The following SMCHD1 variants were observed in gnomAD, a reference collection of about 807,000 sequenced individuals.
SMCHD1 encodes the protein structural maintenance of chromosomes flexible hinge domain-containing protein 1.
A neutral mutation model predicts 254.7 loss-of-function variants in SMCHD1; 78 were observed. That is an observed-to-expected ratio of 0.31 (90% CI 0.26 to 0.37). SMCHD1 has a LOEUF of 0.37. Among genes scored for constraint, SMCHD1 ranks in the 10% least tolerant of loss-of-function variants. The probability of loss-of-function intolerance (pLI) is 1.00; values close to 1 mark genes in which losing one functional copy is unlikely to be tolerated. For missense variants in SMCHD1, 1,840 were observed against 2,408.1 expected (o/e 0.76, Z 4.94); for synonymous variants, 766 against 794.9 (o/e 0.96, Z 0.61).
intron 35 of SMCHD1, among the ~76,000 whole-genome samples, chr18:2,761,369 A>G (rs1274656719): frequency 2.6e-5 from 4 of 152,202 alleles, no homozygotes; most frequent in South Asian, 2.1e-4. Flanking sequence ...GCATCCTGCA[A>G]TATACTCATG....
At chr18:2,720,807 G>A (rs2074909925) in intron 19 of SMCHD1, among the ~76,000 whole-genome samples, 2 of 152,094 alleles carry the variant, frequency 1.3e-5, no homozygotes, top group Admixed American at 6.5e-5. Context: ...AATACAGACA[G>A]GGTCTCACTA....
chr18:2,748,390 A>ATTT lies in SMCHD1; in HGVS notation c.3927+760_3927+762dup, dbSNP rs67175512. Among the ~76,000 whole-genome samples, 143 of 92,676 alleles carry ATTT rather than the reference A, an allele frequency of 1.5e-3. 16 individuals are homozygous for ATTT. The highest frequency in any genetic ancestry group is 6.1e-3 in the Middle Eastern group (1 of 164). The allele number at this position is 92,676 out of a possible 152,430, so 60.8% of individuals were successfully genotyped here. A position where few individuals can be genotyped will look rare whatever the true frequency, so the allele number is the denominator to read the frequency against. On this transcript the variant is annotated intron_variant, in intron 30 of 47. Coordinates refer to ENST00000320876, the MANE Select transcript of SMCHD1 (RefSeq NM_015295.3). ...TGTGTGTGTGTGTGTGTGTATATAA[A>ATTT]TTTTTTTTTTTTTTTTTTTGGAGAC...
chr18:2,771,480 T>C, intron 39 of SMCHD1, 53 bp from the exon 40 acceptor site: 1 of 1,324,408 alleles, frequency 7.6e-7, no homozygotes, highest in Non-Finnish European at 1.0e-6. Context: ...TTTCAAAAAC[T>C]ATGATTTGGG....
At chr18:2,661,975 T>C (rs1297265924) in intron 1 of SMCHD1, among the ~76,000 whole-genome samples, 2 of 198 alleles carry the variant, frequency 0.01, no homozygotes, top group African/African-American at 0.029. Flanking sequence ...GCTAACAAGG[T>C]GAAACCCCCG....
intron 9 of SMCHD1, 146 bp from the exon 10 acceptor site, chr18:2,697,685 A>C (rs62084202): frequency 1.6e-6 from 1 of 612,062 alleles, no homozygotes; most frequent in Admixed American, 3.0e-5. Context: ...TGTTTAACTC[A>C]TATGTAAATA....
At chr18:2,760,586 A>G in intron 34 of SMCHD1, 66 bp from the exon 35 acceptor site, 2 of 873,210 alleles carry the variant, frequency 2.3e-6, no homozygotes, top group Non-Finnish European at 3.9e-6. Flanking sequence ...AGAAATGTTG[A>G]CTCTTTGAAT....
At chr18:2,707,780 A>G (rs1390676695) in intron 16 of SMCHD1, 27 bp from the exon 17 acceptor site, 1 of 1,573,526 alleles carries the variant, frequency 6.4e-7, no homozygotes, top group Non-Finnish European at 8.7e-7. Context: ...GGGTGTAATT[A>G]AGATACTTTT....
At chr18:2,688,852 C>A in intron 7 of SMCHD1, 105 bp downstream of exon 7, 6 of 699,394 alleles carry the variant, frequency 8.6e-6, no homozygotes, top group Non-Finnish European at 1.3e-5. Flanking sequence ...TTACCCTTTC[C>A]TTTAGTCATA....
At chr18:2,665,344 G>A (rs961478699) in intron 1 of SMCHD1, among the ~76,000 whole-genome samples, 2 of 149,464 alleles carry the variant, frequency 1.3e-5, no homozygotes, top group African/African-American at 2.5e-5. Flanking sequence ...TCTTTGAGAC[G>A]GAGTCTCATT....
In SMCHD1 at chr18:2,775,741, A is replaced by G; in HGVS notation, c.5183A>G (p.His1728Arg). The G allele has an allele frequency of 6.2e-7, 1 of 1,612,444 alleles. No individual in the cohort carries two copies. Residue 1728 changes from histidine to arginine, a missense_variant, in exon 42 of 48, where the codon CAT becomes CGT. By Grantham distance (29) the His-to-Arg change is conservative. Coordinates refer to ENST00000320876, the MANE Select transcript of SMCHD1 (RefSeq NM_015295.3). ...GSGDVLGKIA[H>R]LAQIEDDRAA... is the part of the protein sequence containing the mutation. ...TATGAAAATGGGTTATAGATTGCAC[A>G]TCTAGCACAAATTGAAGATGATAGA...
At chr18:2,749,967 C>A in intron 30 of SMCHD1, 76 bp from the exon 31 acceptor site, 3 of 1,273,542 alleles carry the variant, frequency 2.4e-6, no homozygotes, top group Non-Finnish European at 3.3e-6. Flanking sequence ...AGGGAAAGAA[C>A]ATTGTAATGG....
intron 17 of SMCHD1, among the ~76,000 whole-genome samples, chr18:2,708,230 TAATTAC>T (rs1445444347): frequency 6.6e-6 from 1 of 152,194 alleles, no homozygotes; most frequent in African/African-American, 2.4e-5. Context: ...ACAGTTCTAA[TAATTAC>T]AGTAATAATT....
At chr18:2,739,261 A>G (rs1003656552) in intron 26 of SMCHD1, among the ~76,000 whole-genome samples, 171 bp from the exon 27 acceptor site, 3 of 151,744 alleles carry the variant, frequency 2.0e-5, no homozygotes, top group Middle Eastern at 6.3e-3. Context: ...TCTTTTTCCT[A>G]TTTTCTTTTG....
intron 5 of SMCHD1, among the ~76,000 whole-genome samples, chr18:2,678,197 G>T (rs1172669242): frequency 6.7e-6 from 1 of 148,804 alleles, no homozygotes; most frequent in African/African-American, 2.5e-5. Flanking sequence ...CATTTATACT[G>T]TCTTTTCTTT....
intron 28 of SMCHD1, 121 bp from the exon 29 acceptor site, chr18:2,743,640 T>C: frequency 1.8e-6 from 1 of 563,554 alleles, no homozygotes; most frequent in Non-Finnish European, 2.8e-6. Context: ...CTATTTATTT[T>C]CTGTCATGTT....
At chr18:2,773,796 G>A (rs1475661640) in intron 41 of SMCHD1, among the ~76,000 whole-genome samples, 1 of 152,098 alleles carries the variant, frequency 6.6e-6, no homozygotes, top group Non-Finnish European at 1.5e-5. Context: ...GGTGGCATGT[G>A]CCTGTAATCA....
intron 7 of SMCHD1, among the ~76,000 whole-genome samples, chr18:2,692,446 C>T (rs1051245063): frequency 6.6e-5 from 10 of 152,194 alleles, no homozygotes; most frequent in African/African-American, 2.2e-4. Flanking sequence ...CTGTCTTCCT[C>T]TCAACTACCC....
intron 45 of SMCHD1, among the ~76,000 whole-genome samples, chr18:2,792,376 T>C (rs1324521357): frequency 6.6e-6 from 1 of 152,212 alleles, no homozygotes; most frequent in South Asian, 2.1e-4. Flanking sequence ...CCTAGGAGCA[T>C]TGTAGGTTCT....
intron 37 of SMCHD1, among the ~76,000 whole-genome samples, chr18:2,764,440 T>C (rs2075834809): frequency 6.6e-6 from 1 of 152,214 alleles, no homozygotes; most frequent in Non-Finnish European, 1.5e-5. Context: ...CATCATTGTA[T>C]ATTAATGACC....
Sources: allele counts gnomAD v4.1 joint callset (sites outside exome capture counted in the v4.1 genomes callset), GRCh38; gene constraint gnomAD v4.1.1; transcripts MANE v1.5; gene names NCBI Gene and HGNC (gene_info 2026-07-23, HGNC 2026-07-21).